HMCN1: variants seen among roughly 807,000 people sequenced by gnomAD.
HMCN1 encodes hemicentin 1.
A neutral mutation model predicts 625.9 loss-of-function variants in HMCN1; 321 were observed. The ratio of observed to expected loss-of-function variants is 0.51; its 90% CI spans 0.47 to 0.56. The LOEUF (loss-of-function observed/expected upper bound fraction) is 0.56, where lower values mean the gene tolerates loss of function less well. Ranked by LOEUF, HMCN1 falls within the 20% of genes least tolerant of loss-of-function variation. The pLI is 0.00. For synonymous variants in HMCN1, 2,425 were observed against 2,417.6 expected, an observed-to-expected ratio of 1.00 and a Z score of -0.09; for missense variants, 6,588 against 6,887.3, an observed-to-expected ratio of 0.96 and a Z score of 1.54.
intron 1 of HMCN1, among the ~76,000 whole-genome samples, chr1:185,823,265 A>G (rs1660303450): frequency 6.6e-6 from 1 of 152,118 alleles, no homozygotes; most frequent in Non-Finnish European, 1.5e-5. Context: ...GAGAAAGATC[A>G]TTTTCTGGAA....
intron 52 of HMCN1, among the ~76,000 whole-genome samples, chr1:186,074,384 G>A (rs1250082867): frequency 2.5e-3 from 1 of 408 alleles, no homozygotes; most frequent in African/African-American, 9.4e-3. Flanking sequence ...AATTATAAAA[G>A]ACTGCTTTTT....
Position 185,970,318 on chromosome 1 carries a change from C to G in HMCN1, c.2213-17C>G. The G allele has an allele frequency of 6.2e-7, 1 of 1,607,974 alleles. No individual in the cohort carries two copies. Among genetic ancestry groups the G allele is most frequent in the Non-Finnish European group, 8.5e-7 (1 of 1,174,466 alleles). On this transcript the variant is annotated splice_polypyrimidine_tract_variant and intron_variant, in intron 14 of 106. Transcript: ENST00000271588. ...AATACTTTAGTGTTTAATGTTCTCC[C>G]CTTTGTTTTGACTTAGGAGATCTTG...
chr1:185,917,175 A>G (rs1370644790), intron 6 of HMCN1, among the ~76,000 whole-genome samples: 1 of 152,116 alleles, frequency 6.6e-6, no homozygotes, highest in African/African-American at 2.4e-5. Context: ...AATGCCAAAA[A>G]TTAGGGTTTT....
At chr1:186,102,980 A>G (rs1419126420) in intron 68 of HMCN1, among the ~76,000 whole-genome samples, 3 of 152,190 alleles carry the variant, frequency 2.0e-5, no homozygotes, top group African/African-American at 7.2e-5. Context: ...AATTATCTCC[A>G]AATGTAACTA....
chr1:186,180,983 T>TG (rs1303581155), intron 104 of HMCN1, among the ~76,000 whole-genome samples: 1 of 152,186 alleles, frequency 6.6e-6, no homozygotes, highest in African/African-American at 2.4e-5. Flanking sequence ...TTGTTAGGCT[T>TG]GGGCTAAAGT....
At chr1:185,811,702 G>C (rs1005592955) in intron 1 of HMCN1, among the ~76,000 whole-genome samples, 4 of 151,334 alleles carry the variant, frequency 2.6e-5, no homozygotes, top group Non-Finnish European at 4.4e-5. Context: ...GAAAGAAAAG[G>C]CAGTCTTATT....
At position 186,114,692 on chromosome 1, in the gene HMCN1, CAT is replaced by C. The variant is rs1339200272; in HGVS notation, c.11277-126_11277-125del. 125 of 1,090,540 alleles carry C rather than the reference CAT, an allele frequency of 1.1e-4. No homozygotes were observed. In the East Asian group the frequency reaches 1.8e-3, roughly 15 times the overall value. The allele number at this position is 1,090,540 out of a possible 1,614,324, so 67.6% of individuals were successfully genotyped here. On this transcript the variant is annotated intron_variant, in intron 73 of 106. Transcript: ENST00000271588. The stretch of plus-strand genomic sequence containing the variant: ...TTTCTTCCACCAAGGGTATCATAAA[CAT>C]GTGTCATCTGAAACAGGAAAAATAC...
chr1:186,052,696 G>A (rs10911807), intron 42 of HMCN1, among the ~76,000 whole-genome samples: 98,931 of 151,764 alleles, frequency 0.65, 34,312 homozygotes, highest in African/African-American at 0.91. Flanking sequence ...AATATATTTT[G>A]TAAGTTATAA....
chr1:186,091,892 A>C (rs1404723140), intron 64 of HMCN1, among the ~76,000 whole-genome samples: 1 of 151,980 alleles, frequency 6.6e-6, no homozygotes, highest in East Asian at 1.9e-4. Flanking sequence ...TTGTGTATTA[A>C]AATTTCTAGT....
chr1:186,039,668 T>A, intron 38 of HMCN1, 60 bp from the exon 39 acceptor site: 1 of 1,541,694 alleles, frequency 6.5e-7, no homozygotes, highest in Non-Finnish European at 9.0e-7. Context: ...GTAGTTTTCA[T>A]CATTTGAGAT....
chr1:186,055,783 A>G (rs1657279471), intron 45 of HMCN1, 109 bp downstream of exon 45: 1 of 1,074,276 alleles, frequency 9.3e-7, no homozygotes, highest in African/African-American at 1.6e-5. Context: ...ATAACCCATC[A>G]TTTTAAACAT....
rs537705518 is a variant in HMCN1 at position 186,055,956 on chromosome 1, A to G, written c.7144+282A>G. ...ATGCTTTTGGTCCAATGCTATCCCA[A>G]GTAAAATCTGTTTTTTATGTTTTCC... is the stretch of plus-strand genomic sequence containing the variant. On this transcript the variant is annotated intron_variant, in intron 45 of 106. Coordinates refer to ENST00000271588, the MANE Select transcript of HMCN1 (RefSeq NM_031935.3). 7.9e-5 allele frequency among the ~76,000 whole-genome samples: 12 copies of G among 152,130 alleles called. No homozygotes were observed. In the South Asian group the frequency reaches 2.5e-3, roughly 32 times the overall value.
At chr1:185,970,174 G>T (rs1005340640) in intron 14 of HMCN1, among the ~76,000 whole-genome samples, 161 bp from the exon 15 acceptor site, 1 of 152,128 alleles carries the variant, frequency 6.6e-6, no homozygotes, top group Non-Finnish European at 1.5e-5. Flanking sequence ...TTTATTACAG[G>T]TCTGAATTTT....
chr1:186,144,334 A>G lies in HMCN1; in HGVS notation c.14086A>G (p.Asn4696Asp). 6.2e-7 allele frequency: 1 copy of G among 1,613,510 alleles called. No individual in the cohort carries two copies. Among genetic ancestry groups the G allele is most frequent in the African/African-American group, 1.3e-5 (1 of 75,024 alleles). The part of the protein sequence containing the change: ...ETQMQVCNER[N>D]CPIHGKWATW... ...ACAGATGCAAGTTTGCAATGAAAGA[A>G]ATTGTCCAAGTAAGAGAAATACACT... Residue 4696 changes from asparagine (N) to aspartate (D), a missense_variant, in exon 90 of 107, where the codon AAT (asparagine) becomes GAT (aspartate). Coordinates refer to ENST00000271588, the MANE Select transcript of HMCN1 (RefSeq NM_031935.3).
chr1:185,848,605 T>C (rs770642957), intron 2 of HMCN1, among the ~76,000 whole-genome samples: 1 of 152,130 alleles, frequency 6.6e-6, no homozygotes, highest in Non-Finnish European at 1.5e-5. Context: ...TTTCAGTCCT[T>C]GGATGTCACA....
intron 1 of HMCN1, among the ~76,000 whole-genome samples, chr1:185,810,168 A>G (rs1659425597): frequency 6.6e-6 from 1 of 152,140 alleles, no homozygotes; most frequent in African/African-American, 2.4e-5. Flanking sequence ...AGGAGGAGAC[A>G]TATTCTGCAA....
intron 49 of HMCN1, among the ~76,000 whole-genome samples, chr1:186,067,506 C>G (rs534111060): frequency 7.9e-5 from 12 of 152,184 alleles, no homozygotes; most frequent in African/African-American, 2.6e-4. Flanking sequence ...CTAATGAGAC[C>G]CTTCACACTA....
intron 11 of HMCN1, among the ~76,000 whole-genome samples, chr1:185,941,806 ATC>A (rs1483254392): frequency 1.3e-5 from 2 of 152,236 alleles, no homozygotes; most frequent in African/African-American, 4.8e-5. Flanking sequence ...GAAAAGAGTG[ATC>A]TCTCTAAAAC....
intron 1 of HMCN1, among the ~76,000 whole-genome samples, chr1:185,750,439 T>C (rs993972558): frequency 9.9e-5 from 15 of 152,194 alleles, no homozygotes; most frequent in African/African-American, 3.6e-4. Flanking sequence ...GTAATTATGG[T>C]TTTGTTAATT....
Sources: gnomAD v4.1 joint callset for allele counts (sites outside exome capture counted in the v4.1 genomes callset) on GRCh38, gnomAD v4.1.1 for gene constraint, MANE v1.5 for transcripts, NCBI Gene and HGNC (gene_info 2026-07-23, HGNC 2026-07-21) for gene names.